Variants in DHX35 observed in about 807,000 individuals in gnomAD.
DHX35 encodes the protein DEAH-box helicase 35, also known as probable ATP-dependent RNA helicase DHX35.
A neutral mutation model predicts 99.6 loss-of-function variants in DHX35; 84 were observed. That is an observed-to-expected ratio of 0.84 (90% CI 0.71 to 1.01). The LOEUF (loss-of-function observed/expected upper bound fraction) is 1.01. Ranked by LOEUF, DHX35 falls within the 50% of genes least tolerant of loss-of-function variation. The pLI is 0.00. For synonymous variants in DHX35, 331 were observed against 316.2 expected, an observed-to-expected ratio of 1.05 and a Z score of -0.50; for missense variants, 852 against 888.5, an observed-to-expected ratio of 0.96 and a Z score of 0.52.
intron 20 of DHX35, among the ~76,000 whole-genome samples, chr20:39,033,361 T>G (rs1402155044): frequency 6.6e-6 from 1 of 152,180 alleles, no homozygotes; most frequent in African/African-American, 2.4e-5. Flanking sequence ...TTTTCTTGCT[T>G]CATTCCTAAG....
chr20:38,989,642 G>A (rs1056666328), intron 5 of DHX35, among the ~76,000 whole-genome samples: 1 of 152,138 alleles, frequency 6.6e-6, no homozygotes, highest in Non-Finnish European at 1.5e-5. Flanking sequence ...ATAGAAACAA[G>A]CCTGTAAAAG....
intron 1 of DHX35, among the ~76,000 whole-genome samples, 173 bp from the exon 2 acceptor site, chr20:38,968,908 T>C (rs2085950563): frequency 6.6e-6 from 1 of 152,228 alleles, no homozygotes; most frequent in Admixed American, 6.5e-5. Context: ...TTTTAGTTCC[T>C]CGTAGGCACT....
intron 15 of DHX35, among the ~76,000 whole-genome samples, chr20:39,019,803 A>T (rs765696580): frequency 6.6e-6 from 1 of 152,236 alleles, no homozygotes; most frequent in African/African-American, 2.4e-5. Flanking sequence ...CATGCAGTGC[A>T]ATAGATCACT....
At chr20:38,972,129 C>T (rs1191592225) in intron 2 of DHX35, among the ~76,000 whole-genome samples, 2 of 151,174 alleles carry the variant, frequency 1.3e-5, no homozygotes, top group East Asian at 1.9e-4. Context: ...GCTGCCTTAG[C>T]GTCCTGAGTA....
chr20:38,988,898 A>T lies in DHX35; in HGVS notation c.431A>T (p.Gln144Leu). 1 of 1,613,166 alleles carries T rather than the reference A, an allele frequency of 6.2e-7. No individual in the cohort carries two copies. Among genetic ancestry groups the T allele is most frequent in the South Asian group, 1.1e-5 (1 of 91,062 alleles). ...YCIRFDDCTD[Q>L]LATRIKFLTD... Reference sequence around the variant, plus strand: ...ATCCGCTTTGATGACTGCACCGACCAGCTGGCCACGAGAATTAAGGTAAAG... The same window carrying T: ...ATCCGCTTTGATGACTGCACCGACCTGCTGGCCACGAGAATTAAGGTAAAG... Residue 144 changes from glutamine to leucine, a missense_variant, in exon 5 of 22, where the codon CAG (glutamine) becomes CTG (leucine). Physicochemically the swap from Gln to Leu is moderately radical, Grantham distance 113. Transcript: ENST00000252011.
chr20:38,976,346 G>T (rs997878948), intron 3 of DHX35, among the ~76,000 whole-genome samples: 3 of 150,446 alleles, frequency 2.0e-5, no homozygotes, highest in Non-Finnish European at 4.4e-5. Context: ...CTGTGTGTGT[G>T]TGTGTGTGTG....
At chr20:39,032,469 G>A (rs139610459) in intron 20 of DHX35, among the ~76,000 whole-genome samples, 17 of 152,312 alleles carry the variant, frequency 1.1e-4, no homozygotes, top group African/African-American at 3.6e-4. Context: ...ACTGTGCCTG[G>A]CCCAGATTGG....
At chr20:38,984,645 GAA>G (rs1653161163) in intron 4 of DHX35, among the ~76,000 whole-genome samples, 1 of 152,130 alleles carries the variant, frequency 6.6e-6, no homozygotes, top group Non-Finnish European at 1.5e-5. Flanking sequence ...TGTTATGAAA[GAA>G]GAGGAAATTA....
intron 4 of DHX35, among the ~76,000 whole-genome samples, chr20:38,988,589 C>G (rs1481057095): frequency 6.6e-6 from 1 of 152,118 alleles, no homozygotes; most frequent in African/African-American, 2.4e-5. Context: ...GAGATTGTGC[C>G]ACTGCCCTCC....
intron 21 of DHX35, among the ~76,000 whole-genome samples, chr20:39,036,846 C>T (rs1163332649): frequency 2.0e-5 from 3 of 151,558 alleles, no homozygotes; most frequent in African/African-American, 7.3e-5. Flanking sequence ...TCCAAGGGCA[C>T]TTCTACTATT....
intron 3 of DHX35, among the ~76,000 whole-genome samples, chr20:38,981,256 T>G (rs1185161265): frequency 1.3e-5 from 2 of 152,224 alleles, no homozygotes; most frequent in Non-Finnish European, 2.9e-5. Context: ...CTACTAAGTT[T>G]AGTATCCCCC....
chr20:39,028,500 G>A lies in DHX35; in HGVS notation c.1883+1G>A, dbSNP rs2086994239. 1 of 1,614,158 alleles carries A rather than the reference G, an allele frequency of 6.2e-7. No homozygotes were observed. The highest frequency in any genetic ancestry group is 8.5e-7 in the Non-Finnish European group (1 of 1,179,980). On this transcript the variant is annotated splice_donor_variant, in intron 19 of 21. Transcript: ENST00000252011. LOFTEE classifies it high-confidence loss of function. The stretch of plus-strand genomic sequence containing the variant: ...GGTTTCATTCTACTGGAGCTTATAG[G>A]TAACATGATACTTGGTGAAGTCATT...
At chr20:38,994,975 C>A (rs1490590980) in intron 8 of DHX35, 95 bp downstream of exon 8, 4 of 1,060,352 alleles carry the variant, frequency 3.8e-6, no homozygotes, top group African/African-American at 1.6e-5. Flanking sequence ...TTATCTTTGG[C>A]AGAATGCCCT....
chr20:39,036,188 T>G (rs1157954206), intron 21 of DHX35, among the ~76,000 whole-genome samples: 1 of 152,218 alleles, frequency 6.6e-6, no homozygotes, highest in African/African-American at 2.4e-5. Context: ...CTTGGATTCA[T>G]TTAGACTCTT....
chr20:38,988,561 T>C (rs564201489), intron 4 of DHX35, among the ~76,000 whole-genome samples: 301 of 151,998 alleles, frequency 2.0e-3, no homozygotes, highest in African/African-American at 7.1e-3. Context: ...ACTTGGGAGG[T>C]GGAGGTTGCA....
intron 5 of DHX35, among the ~76,000 whole-genome samples, chr20:38,989,869 TCAGA>T (rs1417343810): frequency 5.9e-5 from 9 of 152,182 alleles, no homozygotes; most frequent in Admixed American, 5.9e-4. Context: ...CAAAGTCTAA[TCAGA>T]CAGTGCAATA....
Position 39,008,543 on chromosome 20 carries a change from G to A in DHX35, c.1223-1737G>A, listed in dbSNP as rs1354784348. Among the ~76,000 whole-genome samples, 3 of 152,190 alleles carry A rather than the reference G, an allele frequency of 2.0e-5. No individual in the cohort carries two copies. In the East Asian group the frequency reaches 5.8e-4, roughly 29 times the overall value. ...TGAATCCCTTTGCATGAGCAGTTTA[G>A]TGGAAGTGGGGTTGGGGAGGGCCCC... is the stretch of plus-strand genomic sequence containing the variant. On this transcript the variant is annotated intron_variant, in intron 12 of 21. Coordinates refer to ENST00000252011, the MANE Select transcript of DHX35 (RefSeq NM_021931.4).
intron 5 of DHX35, 132 bp downstream of exon 5, chr20:38,989,049 C>A: frequency 8.3e-6 from 7 of 847,498 alleles, no homozygotes; most frequent in East Asian, 3.1e-5. Context: ...AGTATCCTGA[C>A]ATTCAGAGAC....
chr20:39,027,364 A>G (rs997485312), intron 18 of DHX35, among the ~76,000 whole-genome samples: 4 of 152,250 alleles, frequency 2.6e-5, no homozygotes, highest in African/African-American at 7.2e-5. Flanking sequence ...GATAAATGAT[A>G]AAGATTAAAA....
Sources: allele counts gnomAD v4.1 joint callset (sites outside exome capture counted in the v4.1 genomes callset), GRCh38; gene constraint gnomAD v4.1.1; transcripts MANE v1.5; gene names NCBI Gene and HGNC (gene_info 2026-07-23, HGNC 2026-07-21).